The following MGAT4C variants were observed in gnomAD, a reference collection of about 807,000 sequenced individuals.
MGAT4C encodes alpha-1,3-mannosyl-glycoprotein 4-beta-N-acetylglucosaminyltransferase C.
A neutral mutation model predicts 40.1 loss-of-function variants in MGAT4C; 19 were observed. The observed-to-expected ratio is 0.47, with a 90% CI of 0.33 to 0.70. The LOEUF (loss-of-function observed/expected upper bound fraction) is 0.70, where lower values mean the gene tolerates loss of function less well. Among genes scored for constraint, MGAT4C ranks in the 30% least tolerant of loss-of-function variants. The probability of loss-of-function intolerance (pLI) is 0.02; values close to 1 mark genes in which losing one functional copy is unlikely to be tolerated. For missense variants in MGAT4C, 491 were observed against 563.2 expected, an observed-to-expected ratio of 0.87 and a Z score of 1.30; for synonymous variants, 181 against 187.1, an observed-to-expected ratio of 0.97 and a Z score of 0.27.
intron 2 of MGAT4C, among the ~76,000 whole-genome samples, chr12:86,634,497 T>C (rs983505520): frequency 1.8e-4 from 28 of 152,158 alleles, no homozygotes; most frequent in African/African-American, 5.3e-4. Context: ...TATCAAGATC[T>C]GCTCAGGGTT....
intron 2 of MGAT4C, among the ~76,000 whole-genome samples, chr12:86,622,577 C>T (rs776311201): frequency 1.4e-4 from 21 of 151,990 alleles, no homozygotes; most frequent in Non-Finnish European, 2.4e-4. Context: ...AAAATTAGCC[C>T]ATGACTAAAA....
intron 1 of MGAT4C, among the ~76,000 whole-genome samples, chr12:86,769,318 A>C (rs1471960628): frequency 2.0e-5 from 3 of 151,952 alleles, no homozygotes; most frequent in African/African-American, 2.4e-5. Flanking sequence ...CCACAATGAG[A>C]TACCATCTCA....
At chr12:86,456,570 T>C (rs971293605) in intron 2 of MGAT4C, among the ~76,000 whole-genome samples, 2 of 152,070 alleles carry the variant, frequency 1.3e-5, no homozygotes, top group Admixed American at 1.3e-4. Context: ...TTTAAGAGTT[T>C]TTTCATTATA....
chr12:85,985,105 T>C (rs1885062495), intron 3 of MGAT4C, among the ~76,000 whole-genome samples: 2 of 152,154 alleles, frequency 1.3e-5, no homozygotes, highest in Admixed American at 1.3e-4. Flanking sequence ...TTATTCAGTA[T>C]AGAAAGTCAA....
intron 1 of MGAT4C, among the ~76,000 whole-genome samples, chr12:86,202,365 T>C (rs1339140481): frequency 2.0e-5 from 3 of 152,138 alleles, no homozygotes; most frequent in East Asian, 1.9e-4. Flanking sequence ...AATATTTCTC[T>C]TTTATTAGAG....
intron 2 of MGAT4C, among the ~76,000 whole-genome samples, chr12:86,656,552 C>T (rs533459163): frequency 6.6e-6 from 1 of 152,042 alleles, no homozygotes; most frequent in East Asian, 1.9e-4. Context: ...GGTTTCTGAA[C>T]TGGAATATTT....
At chr12:86,141,386 A>G (rs1054689857) in intron 1 of MGAT4C, among the ~76,000 whole-genome samples, 2 of 152,304 alleles carry the variant, frequency 1.3e-5, no homozygotes, top group Admixed American at 1.3e-4. Flanking sequence ...CATTTTTTCA[A>G]AATAACTTAG....
chr12:86,566,535 T>C (rs1477594892), intron 2 of MGAT4C, among the ~76,000 whole-genome samples: 14 of 65,496 alleles, frequency 2.1e-4, no homozygotes, highest in Non-Finnish European at 3.7e-4. Flanking sequence ...CATATACATA[T>C]ATATATATAT....
chr12:86,234,450 C>T (rs1001464000), intron 1 of MGAT4C, among the ~76,000 whole-genome samples: 1 of 152,134 alleles, frequency 6.6e-6, no homozygotes, highest in Non-Finnish European at 1.5e-5. Context: ...GAGAGAAACT[C>T]TCCATCAAGT....
chr12:86,301,262 A>T (rs1271358920), intron 4 of MGAT4C, among the ~76,000 whole-genome samples: 1 of 152,184 alleles, frequency 6.6e-6, no homozygotes, highest in East Asian at 1.9e-4. Flanking sequence ...ATAGATAAGA[A>T]TCATTTATCA....
At chr12:86,079,213 A>T (rs919032823) in intron 1 of MGAT4C, among the ~76,000 whole-genome samples, 2 of 152,168 alleles carry the variant, frequency 1.3e-5, no homozygotes, top group African/African-American at 4.8e-5. Context: ...CCTGGCATAG[A>T]TGTAGTACTT....
intron 2 of MGAT4C, among the ~76,000 whole-genome samples, chr12:86,550,588 T>C (rs1052329230): frequency 6.6e-6 from 1 of 152,212 alleles, no homozygotes; most frequent in African/African-American, 2.4e-5. Context: ...TTCATTTTCA[T>C]TCCACCAAGT....
At chr12:86,520,098 T>A (rs1345432963) in intron 2 of MGAT4C, among the ~76,000 whole-genome samples, 6 of 152,204 alleles carry the variant, frequency 3.9e-5, no homozygotes, top group Non-Finnish European at 7.4e-5. Flanking sequence ...AGAGTACATG[T>A]GCAGATTTGT....
At chr12:86,149,381 A>T (rs1455658703) in intron 1 of MGAT4C, among the ~76,000 whole-genome samples, 2 of 152,170 alleles carry the variant, frequency 1.3e-5, no homozygotes, top group African/African-American at 4.8e-5. Flanking sequence ...GTCAAAATAG[A>T]AAAAATATGT....
intron 1 of MGAT4C, among the ~76,000 whole-genome samples, chr12:86,251,286 T>C (rs1952267841): frequency 1.3e-5 from 2 of 151,958 alleles, no homozygotes; most frequent in Non-Finnish European, 2.9e-5. Flanking sequence ...GATTAAAACA[T>C]ACCTGAGAAC....
intron 2 of MGAT4C, among the ~76,000 whole-genome samples, chr12:86,689,837 C>T (rs1338325092): frequency 1.3e-5 from 2 of 152,194 alleles, no homozygotes; most frequent in Non-Finnish European, 2.9e-5. Context: ...CAGAGCTCAA[C>T]CACTGTGCTG....
intron 1 of MGAT4C, among the ~76,000 whole-genome samples, chr12:86,252,930 A>G (rs960384084): frequency 2.6e-4 from 39 of 152,012 alleles, no homozygotes; most frequent in African/African-American, 9.4e-4. Context: ...TTTTATTCTT[A>G]TAATATTTCA....
rs559450676 is a variant in MGAT4C, at chr12:86,036,145, G to A, written c.-7+13529C>T. 1.0e-4 allele frequency among the ~76,000 whole-genome samples: 15 copies of A among 150,044 alleles called. 1 individual carries two copies. The highest frequency in any genetic ancestry group is 5.3e-4 in the Admixed American group (8 of 14,976). ...ATGGTCGCTTGCTGGGGATAGCATCGAATCTATAAATTACTTTAAGCAGTG... is the reference window on the plus strand; with the variant it reads ...ATGGTCGCTTGCTGGGGATAGCATCAAATCTATAAATTACTTTAAGCAGTG... On this transcript the variant is annotated intron_variant, in intron 2 of 4. Transcript: ENST00000611864.
exon 3 of MGAT4C, chr12:86,435,242 A>G (rs1252848965): frequency 6.6e-6 from 1 of 151,932 alleles, no homozygotes; most frequent in Non-Finnish European, 1.5e-5. Flanking sequence ...TGTGCATACA[A>G]GTGATCTGGC....
Sources: gnomAD v4.1 joint callset for allele counts (sites outside exome capture counted in the v4.1 genomes callset) on GRCh38, gnomAD v4.1.1 for gene constraint, MANE v1.5 for transcripts, NCBI Gene and HGNC (gene_info 2026-07-23, HGNC 2026-07-21) for gene names.